Variants in PPP1R9A observed in about 807,000 individuals in gnomAD.
The protein encoded by PPP1R9A is neurabin-1.
A neutral mutation model predicts 141.9 loss-of-function variants in PPP1R9A; 59 were observed. The ratio of observed to expected loss-of-function variants is 0.42; its 90% CI spans 0.34 to 0.52. The LOEUF (loss-of-function observed/expected upper bound fraction) is 0.52, where lower values mean the gene tolerates loss of function less well. PPP1R9A is among the 20% of genes least tolerant of loss of function. The pLI is 0.10. For missense variants in PPP1R9A, 1,444 were observed against 1,611.9 expected (o/e 0.90, Z 1.78); for synonymous variants, 500 against 569.7 (o/e 0.88, Z 1.74).
intron 4 of PPP1R9A, among the ~76,000 whole-genome samples, chr7:95,157,383 C>G (rs548225971): frequency 6.6e-6 from 1 of 152,126 alleles, no homozygotes. Context: ...AGCCACAGCT[C>G]GGGCACCTGC....
At chr7:95,050,626 C>T (rs781751255) in intron 2 of PPP1R9A, among the ~76,000 whole-genome samples, 13 of 151,930 alleles carry the variant, frequency 8.6e-5, no homozygotes, top group Admixed American at 3.3e-4. Flanking sequence ...ACATGGGAGG[C>T]GAGGCAGGAG....
intron 16 of PPP1R9A, among the ~76,000 whole-genome samples, chr7:95,281,217 T>C (rs2153073126): frequency 6.6e-6 from 1 of 152,288 alleles, no homozygotes; most frequent in South Asian, 2.1e-4. Flanking sequence ...GAATGAGAGA[T>C]ACAGGATACA....
intron 2 of PPP1R9A, among the ~76,000 whole-genome samples, chr7:94,941,850 G>A (rs985478562): frequency 7.9e-5 from 12 of 151,946 alleles, no homozygotes; most frequent in Non-Finnish European, 1.3e-4. Context: ...AAAAATCATT[G>A]AATTTTTAGA....
chr7:95,089,039 A>G (rs1450792586), intron 2 of PPP1R9A, among the ~76,000 whole-genome samples: 1 of 152,054 alleles, frequency 6.6e-6, no homozygotes, highest in Non-Finnish European at 1.5e-5. Flanking sequence ...CAAGTGGAAG[A>G]GCAGATCTTC....
intron 4 of PPP1R9A, among the ~76,000 whole-genome samples, chr7:95,142,587 T>C (rs1174755450): frequency 9.8e-4 from 149 of 152,174 alleles, no homozygotes; most frequent in Non-Finnish European, 1.3e-4. Flanking sequence ...GATATTTAGT[T>C]TTCTAGCATC....
intron 8 of PPP1R9A, among the ~76,000 whole-genome samples, chr7:95,236,673 ATTG>A (rs1585394535): frequency 6.9e-6 from 1 of 144,854 alleles, no homozygotes; most frequent in Admixed American, 6.8e-5. Context: ...TTAGTTCCTA[ATTG>A]TTTCTTCTTT....
chr7:95,230,813 A>G (rs950489083), intron 8 of PPP1R9A, among the ~76,000 whole-genome samples: 2 of 152,222 alleles, frequency 1.3e-5, no homozygotes, highest in Non-Finnish European at 2.9e-5. Flanking sequence ...TTCTTCAAGC[A>G]TAAATCTCAC....
chr7:95,181,368 TG>T (rs1486106695), intron 5 of PPP1R9A, among the ~76,000 whole-genome samples: 1 of 137,968 alleles, frequency 7.2e-6, no homozygotes, highest in Non-Finnish European at 1.5e-5. Context: ...AGAATATGTA[TG>T]GAATATATAG....
intron 5 of PPP1R9A, among the ~76,000 whole-genome samples, chr7:95,166,903 G>C (rs1051306113): frequency 6.6e-6 from 1 of 152,038 alleles, no homozygotes; most frequent in African/African-American, 2.4e-5. Context: ...ACAGAATGAA[G>C]GACAAAAACC....
intron 5 of PPP1R9A, among the ~76,000 whole-genome samples, chr7:95,189,256 T>C (rs933690978): frequency 2.6e-5 from 4 of 152,078 alleles, no homozygotes; most frequent in Admixed American, 2.6e-4. Context: ...TTAGATAACC[T>C]GATGGCTACG....
chr7:94,962,046 C>T (rs1797702066), intron 2 of PPP1R9A, among the ~76,000 whole-genome samples: 1 of 151,946 alleles, frequency 6.6e-6, no homozygotes. Flanking sequence ...CACTGTACAT[C>T]AACTAATCCC....
intron 4 of PPP1R9A, among the ~76,000 whole-genome samples, chr7:95,157,383 C>T (rs548225971): frequency 2.4e-4 from 37 of 152,244 alleles, no homozygotes; most frequent in Admixed American, 9.8e-4. Context: ...AGCCACAGCT[C>T]GGGCACCTGC....
chr7:95,157,482 C>T (rs1829816403), intron 4 of PPP1R9A, among the ~76,000 whole-genome samples: 1 of 152,152 alleles, frequency 6.6e-6, no homozygotes, highest in African/African-American at 2.4e-5. Context: ...TGCAGCTGCA[C>T]CCGGGGAGTT....
Position 94,911,382 on chromosome 7 carries a change from G to A in PPP1R9A, c.1269G>A (p.Glu423=). The stretch of plus-strand genomic sequence containing the variant: ...GAGAGACAGGCACTGAGCAGGATGA[G>A]GAGGAAGATAGTGATGAGAACAGTT... The part of the protein sequence containing the change: ...DWGETGTEQD[E]EEDSDENSYY... The change falls in exon 2 of 20, where the codon GAG becomes GAA. Residue 423 remains glutamate, a synonymous_variant. Coordinates refer to ENST00000433360, the MANE Select transcript of PPP1R9A (RefSeq NM_001166160.2). 2 of 1,614,096 alleles carry A rather than the reference G, an allele frequency of 1.2e-6. No homozygotes were observed. Among genetic ancestry groups the A allele is most frequent in the Non-Finnish European group, 1.7e-6 (2 of 1,179,980 alleles).
intron 2 of PPP1R9A, among the ~76,000 whole-genome samples, chr7:95,071,403 G>A (rs1242324173): frequency 6.6e-6 from 1 of 151,824 alleles, no homozygotes; most frequent in Non-Finnish European, 1.5e-5. Flanking sequence ...TCCTTGCAAA[G>A]GTATAATAGT....
intron 2 of PPP1R9A, among the ~76,000 whole-genome samples, chr7:95,006,671 C>T (rs543482535): frequency 2.6e-5 from 4 of 152,142 alleles, no homozygotes; most frequent in African/African-American, 9.6e-5. Flanking sequence ...TGGTAAACTA[C>T]TGAGAAAAAA....
At chr7:95,031,101 G>A (rs945154377) in intron 2 of PPP1R9A, among the ~76,000 whole-genome samples, 3 of 152,084 alleles carry the variant, frequency 2.0e-5, no homozygotes, top group African/African-American at 7.2e-5. Flanking sequence ...TCAACCTTGC[G>A]TTTACCTGAA....
intron 4 of PPP1R9A, among the ~76,000 whole-genome samples, chr7:95,129,191 A>G (rs1249000219): frequency 1.3e-5 from 2 of 152,010 alleles, no homozygotes; most frequent in Non-Finnish European, 2.9e-5. Flanking sequence ...TCCCCACCCA[A>G]ATCTCATCTT....
intron 9 of PPP1R9A, among the ~76,000 whole-genome samples, chr7:95,248,916 CAT>C (rs886761690): frequency 6.6e-6 from 1 of 152,038 alleles, no homozygotes; most frequent in African/African-American, 2.4e-5. Flanking sequence ...TATATAAATA[CAT>C]GTTTACTTTT....
Sources: allele counts gnomAD v4.1 joint callset (sites outside exome capture counted in the v4.1 genomes callset), GRCh38; gene constraint gnomAD v4.1.1; transcripts MANE v1.5; gene names NCBI Gene and HGNC (gene_info 2026-07-23, HGNC 2026-07-21).